Variants in HK1 observed in about 807,000 individuals in gnomAD.
HK1 encodes the protein hexokinase-1.
HK1 carries 28 observed loss-of-function variants against 91.6 expected under a neutral mutation model. The observed-to-expected ratio is 0.31, with a 90% CI of 0.23 to 0.42. HK1 has a LOEUF of 0.42. Among genes scored for constraint, HK1 ranks in the 10% least tolerant of loss-of-function variants. HK1 has a pLI of 1.00. For synonymous variants in HK1, 430 were observed against 468.1 expected (o/e 0.92, Z 1.05); for missense variants, 770 against 1,219.8 (o/e 0.63, Z 5.49).
At chr10:69,368,456 T>A in intron 4 of HK1, 80 bp from the exon 5 acceptor site, 6 of 1,246,444 alleles carry the variant, frequency 4.8e-6, no homozygotes, top group Non-Finnish European at 7.1e-6. Context: ...GCTTCATCCC[T>A]GTCCTGGAGC....
chr10:69,279,768 G>A (rs758334868), intron 1 of HK1, among the ~76,000 whole-genome samples: 1 of 152,162 alleles, frequency 6.6e-6, no homozygotes, highest in Non-Finnish European at 1.5e-5. Flanking sequence ...GGAGGCCTGG[G>A]TCACAGTTAG....
At chr10:69,373,119 T>G (rs1214455845) in intron 7 of HK1, among the ~76,000 whole-genome samples, 1 of 152,226 alleles carries the variant, frequency 6.6e-6, no homozygotes. Context: ...TCCAGCCACC[T>G]TGGCCTCTCA....
intron 7 of HK1, among the ~76,000 whole-genome samples, chr10:69,376,725 G>A (rs1280239995): frequency 6.6e-6 from 1 of 152,058 alleles, no homozygotes. Flanking sequence ...ATGGGGTCTG[G>A]ATGACTCCTG....
intron 1 of HK1, among the ~76,000 whole-genome samples, chr10:69,326,961 GT>G (rs1847413163): frequency 7.6e-6 from 1 of 131,850 alleles, no homozygotes; most frequent in African/African-American, 2.8e-5. Context: ...CTGACTATGT[GT>G]TTAAGCAATA....
chr10:69,317,059 A>C (rs1846684637), upstream of HK1, among the ~76,000 whole-genome samples: 3 of 152,190 alleles, frequency 2.0e-5, no homozygotes. Flanking sequence ...AAATTAAATA[A>C]ATTGGCACTC....
chr10:69,330,946 C>G (rs772635434), intron 1 of HK1, among the ~76,000 whole-genome samples: 7 of 150,744 alleles, frequency 4.6e-5, no homozygotes, highest in Non-Finnish European at 7.4e-5. Flanking sequence ...GTGGTGCAGT[C>G]TCGGCTCACT....
chr10:69,281,769 G>C (rs1844764031), intron 1 of HK1, among the ~76,000 whole-genome samples: 1 of 152,154 alleles, frequency 6.6e-6, no homozygotes, highest in Non-Finnish European at 1.5e-5. Flanking sequence ...CACAATAAAA[G>C]AGAGTGAAAC....
At chr10:69,286,810 C>T (rs999148224) in intron 2 of HK1, among the ~76,000 whole-genome samples, 2 of 152,034 alleles carry the variant, frequency 1.3e-5, no homozygotes, top group African/African-American at 4.8e-5. Context: ...GGCCTCCCAA[C>T]GTGCTGGGAT....
At chr10:69,375,410 C>T (rs1839042106) in intron 7 of HK1, among the ~76,000 whole-genome samples, 1 of 152,184 alleles carries the variant, frequency 6.6e-6, no homozygotes, top group Non-Finnish European at 1.5e-5. Context: ...TTCAGGGCTA[C>T]ACAGAGGCTG....
chr10:69,302,854 GGTTACAT>G (rs1564495258), intron 5 of HK1, among the ~76,000 whole-genome samples: 1 of 152,098 alleles, frequency 6.6e-6, no homozygotes, highest in Non-Finnish European at 1.5e-5. Flanking sequence ...TTTGGTAACA[GGTTACAT>G]GTGGAGCCCA....
chr10:69,272,490 C>T (rs1303216704), intron 1 of HK1, among the ~76,000 whole-genome samples: 1 of 152,146 alleles, frequency 6.6e-6, no homozygotes. Flanking sequence ...TTTTGTTTGT[C>T]TGAAAATGTC....
At chr10:69,366,629 A>G (rs1205953197) in intron 4 of HK1, among the ~76,000 whole-genome samples, 18 of 152,106 alleles carry the variant, frequency 1.2e-4, no homozygotes, top group Admixed American at 1.1e-3. Context: ...CTGACCTGTT[A>G]TGCTTTCAGG....
chr10:69,285,030 G>A (rs1844951278), intron 2 of HK1, among the ~76,000 whole-genome samples: 2 of 152,126 alleles, frequency 1.3e-5, no homozygotes, highest in South Asian at 4.2e-4. Context: ...TGTTGGCCAT[G>A]ATGGTCTCGA....
intron 1 of HK1, among the ~76,000 whole-genome samples, chr10:69,328,928 C>A (rs978603533): frequency 6.6e-6 from 1 of 151,884 alleles, no homozygotes; most frequent in African/African-American, 2.4e-5. Flanking sequence ...TGTGTCTAGC[C>A]TCTTTTATTT....
chr10:69,319,304 CG>C, intron 1 of HK1: 1 of 529,028 alleles, frequency 1.9e-6, no homozygotes. Flanking sequence ...CCGGGCTGTG[CG>C]GGGAGGTGGC....
At chr10:69,381,754 A>G (rs1839401027) in intron 9 of HK1, among the ~76,000 whole-genome samples, 2 of 152,138 alleles carry the variant, frequency 1.3e-5, no homozygotes, top group Non-Finnish European at 2.9e-5. Flanking sequence ...GGGTTTCACC[A>G]TGTTGGCCAG....
intron 7 of HK1, among the ~76,000 whole-genome samples, chr10:69,374,565 G>A (rs774662862): frequency 2.6e-5 from 4 of 152,252 alleles, no homozygotes; most frequent in Non-Finnish European, 2.9e-5. Context: ...TGGGAAGCAC[G>A]CTGTTGGAAC....
At position 69,338,368 on chromosome 10, in the gene HK1, TC is replaced by T. The variant is rs939685224; in HGVS notation, c.64-5456del. The T allele has an allele frequency of 1.3e-5, 15 of 1,192,236 alleles. No homozygotes were observed. In the Admixed American group the frequency reaches 4.4e-4, roughly 35 times the overall value. 73.9% of individuals were successfully genotyped at this position (1,192,236 alleles called of 1,614,324 possible). On this transcript the variant is annotated intron_variant, in intron 1 of 17. Coordinates refer to ENST00000359426, the MANE Select transcript of HK1 (RefSeq NM_000188.3). ...GTCTGGTGTCTGGGACTGGGCGCCT[TC>T]CCATTTCCATCCCAGCCTGACCAGA...
chr10:69,282,934 T>C (rs1330649002), intron 2 of HK1, among the ~76,000 whole-genome samples: 1 of 147,482 alleles, frequency 6.8e-6, no homozygotes, highest in Admixed American at 6.9e-5. Flanking sequence ...CTGGCCAACA[T>C]GGTGAAACCC....
Sources: allele counts gnomAD v4.1 joint callset (sites outside exome capture counted in the v4.1 genomes callset), GRCh38; gene constraint gnomAD v4.1.1; transcripts MANE v1.5; gene names NCBI Gene and HGNC (gene_info 2026-07-23, HGNC 2026-07-21).